The following AK7 variants were observed in gnomAD, a reference collection of about 807,000 sequenced individuals.
AK7 encodes adenylate kinase 7.
In AK7, 78 loss-of-function variants were observed where a neutral mutation model predicts 96.6. The observed-to-expected ratio is 0.81, with a 90% CI of 0.67 to 0.97. The LOEUF (loss-of-function observed/expected upper bound fraction) is 0.97. Among genes scored for constraint, AK7 ranks in the 50% least tolerant of loss-of-function variants. AK7 has a pLI of 0.00. For missense variants in AK7, 855 were observed against 887.9 expected (o/e 0.96, Z 0.47); for synonymous variants, 302 against 317.2 (o/e 0.95, Z 0.51).
intron 15 of AK7, among the ~76,000 whole-genome samples, chr14:96,482,097 G>C (rs1264781053): frequency 6.6e-6 from 1 of 152,086 alleles, no homozygotes; most frequent in East Asian, 1.9e-4. Context: ...TTCTGGTCTA[G>C]GTCAAGGTCA....
At chr14:96,392,441 C>A (rs541133739) in intron 1 of AK7, among the ~76,000 whole-genome samples, 182 bp downstream of exon 1, 18 of 152,320 alleles carry the variant, frequency 1.2e-4, no homozygotes, top group Admixed American at 5.2e-4. Context: ...CCAGGCTGGT[C>A]AAGAGATTCT....
chr14:96,399,657 G>A lies in AK7; in HGVS notation c.294+1394G>A, dbSNP rs1041355601. Among the ~76,000 whole-genome samples the A allele has an allele frequency of 1.1e-4, 17 of 152,170 alleles. No homozygotes were observed. The highest frequency in any genetic ancestry group is 1.1e-3 in the Admixed American group (17 of 15,276). Reference sequence around the variant, plus strand: ...TGTCACCAGCAGTCCCCTGACTCCCGAGGGGCTTAGCTCACCTGGCTTCAC... The same window carrying A: ...TGTCACCAGCAGTCCCCTGACTCCCAAGGGGCTTAGCTCACCTGGCTTCAC... On this transcript the variant is annotated intron_variant, in intron 2 of 17. Transcript: ENST00000267584. The surrounding 1 kb of genome is among the most constrained non-coding windows in gnomAD (Gnocchi z 4.1).
chr14:96,488,221 T>C lies in AK7; in HGVS notation c.2134-84T>C, dbSNP rs929263957. On this transcript the variant is annotated intron_variant, in intron 17 of 17. Coordinates refer to ENST00000267584, the MANE Select transcript of AK7 (RefSeq NM_152327.5). ...AGCCACCAAGCTTGGCCCAGGATGA[T>C]TTTTAAATTGTAAACATTACTAATA... The C allele has an allele frequency of 7.2e-6, 10 of 1,379,926 alleles. No homozygotes were observed. In the Admixed American group the frequency reaches 1.1e-4, roughly 15 times the overall value. 85.5% of individuals were successfully genotyped at this position (1,379,926 alleles called of 1,614,324 possible).
intron 12 of AK7, among the ~76,000 whole-genome samples, chr14:96,463,547 G>T (rs937923705): frequency 2.0e-5 from 3 of 151,668 alleles, no homozygotes; most frequent in Admixed American, 1.3e-4. Flanking sequence ...GTGAAACCCC[G>T]TCTCTACTAA....
intron 2 of AK7, chr14:96,398,925 G>A (rs1216690802): frequency 6.6e-6 from 1 of 152,460 alleles, no homozygotes; most frequent in African/African-American, 2.4e-5. Context: ...GCTACTCTCT[G>A]GAGCCTACCA....
chr14:96,485,990 G>A (rs940332514), intron 16 of AK7, among the ~76,000 whole-genome samples: 3 of 151,852 alleles, frequency 2.0e-5, no homozygotes, highest in African/African-American at 7.3e-5. Flanking sequence ...TAGAGACGGG[G>A]TTTCACCGTG....
chr14:96,429,281 G>A (rs1454017730), intron 5 of AK7, among the ~76,000 whole-genome samples: 4 of 152,100 alleles, frequency 2.6e-5, no homozygotes, highest in East Asian at 1.9e-4. Flanking sequence ...TAGATGTGTG[G>A]TGTTATTTCT....
intron 8 of AK7, among the ~76,000 whole-genome samples, chr14:96,448,402 G>A (rs1893367612): frequency 6.6e-6 from 1 of 151,896 alleles, no homozygotes; most frequent in South Asian, 2.1e-4. Flanking sequence ...AAGTTCAGGT[G>A]GAAGAATCAC....
At chr14:96,476,078 C>T (rs1461048015) in intron 14 of AK7, among the ~76,000 whole-genome samples, 2 of 152,112 alleles carry the variant, frequency 1.3e-5, no homozygotes, top group East Asian at 1.9e-4. Context: ...ATGGTATTCT[C>T]TCCCATTGAG....
chr14:96,430,387 G>A (rs1595403370), intron 5 of AK7, among the ~76,000 whole-genome samples: 2 of 152,012 alleles, frequency 1.3e-5, no homozygotes, highest in South Asian at 4.2e-4. Context: ...GGGTTTCACT[G>A]TGTTAGCCAG....
At chr14:96,437,760 A>G (rs1459515766) in intron 5 of AK7, 75 bp from the exon 6 acceptor site, 1 of 1,116,714 alleles carries the variant, frequency 9.0e-7, no homozygotes, top group African/African-American at 1.6e-5. Flanking sequence ...GCTCATTTTA[A>G]CTACTAAAAT....
At chr14:96,479,542 G>T (rs561719284) in intron 15 of AK7, among the ~76,000 whole-genome samples, 168 of 151,994 alleles carry the variant, frequency 1.1e-3, no homozygotes, top group African/African-American at 3.8e-3. Flanking sequence ...GCCCATCCCC[G>T]TAGCTACCCA....
intron 17 of AK7, among the ~76,000 whole-genome samples, chr14:96,487,411 GA>G (rs1230588779): frequency 3.2e-5 from 4 of 124,998 alleles, no homozygotes; most frequent in Admixed American, 8.0e-5. Flanking sequence ...GAAAAAAAAA[GA>G]AAAAAAAATC....
intron 3 of AK7, among the ~76,000 whole-genome samples, chr14:96,405,676 T>C (rs188607803): frequency 6.6e-6 from 1 of 152,240 alleles, no homozygotes; most frequent in African/African-American, 2.4e-5. Flanking sequence ...AAGGAAGTTG[T>C]GTATAAGAGC....
chr14:96,457,226 A>G (rs1332201613), intron 11 of AK7, among the ~76,000 whole-genome samples: 1 of 151,642 alleles, frequency 6.6e-6, no homozygotes, highest in Admixed American at 6.6e-5. Context: ...ATGCCCGGCT[A>G]ATTTTTGTAT....
intron 2 of AK7, among the ~76,000 whole-genome samples, chr14:96,400,695 G>C (rs953785475): frequency 4.6e-5 from 7 of 152,222 alleles, no homozygotes; most frequent in African/African-American, 1.7e-4. Context: ...AAGGACGATG[G>C]ACATTGCCAG....
At chr14:96,479,576 C>T (rs1255379065) in intron 15 of AK7, among the ~76,000 whole-genome samples, 1 of 152,118 alleles carries the variant, frequency 6.6e-6, no homozygotes, top group Admixed American at 6.6e-5. Flanking sequence ...CTCTTCACTG[C>T]GTTCCTTCTT....
intron 10 of AK7, among the ~76,000 whole-genome samples, chr14:96,453,720 A>G (rs113919880): frequency 3.3e-4 from 50 of 152,234 alleles, no homozygotes; most frequent in African/African-American, 1.2e-3. Flanking sequence ...GACTTGGAGT[A>G]TTTGATTCAG....
At position 96,483,131 on chromosome 14, in the gene AK7, G is replaced by T. The variant is rs746706465; in HGVS notation, c.1886G>T (p.Arg629Leu). The T allele has an allele frequency of 5.6e-6, 9 of 1,614,104 alleles. No homozygotes were observed. In the Admixed American group the frequency reaches 1.5e-4, roughly 27 times the overall value. ...GAGGAGCGGAAGGCTGCGGAGGAGC[G>T]GCTGGCCAGGGAGGCTGCTGAGGAA... The part of the protein sequence containing the change: ...AEEERKAAEE[R>L]LAREAAEEAE... Residue 629 changes from arginine to leucine, a missense_variant, in exon 16 of 18, where the codon CGG becomes CTG. Arg to Leu is a moderately radical substitution (Grantham distance 102, BLOSUM62 -2). Transcript: ENST00000267584.
Sources: gnomAD v4.1 joint callset for allele counts (sites outside exome capture counted in the v4.1 genomes callset) on GRCh38, gnomAD v4.1.1 for gene constraint, Gnocchi (gnomAD v3.1) non-coding constraint, MANE v1.5 for transcripts, NCBI Gene and HGNC (gene_info 2026-07-23, HGNC 2026-07-21) for gene names.